The following SDK2 variants were observed in gnomAD, a reference collection of about 807,000 sequenced individuals.
SDK2 encodes protein sidekick-2.
SDK2 carries 105 observed loss-of-function variants against 253.9 expected under a neutral mutation model. The observed-to-expected ratio is 0.41, with a 90% CI of 0.35 to 0.49. The LOEUF is 0.49. SDK2 is among the 20% of genes least tolerant of loss of function. The pLI, the probability that SDK2 is intolerant of heterozygous loss-of-function variation, is 0.06. For synonymous variants in SDK2, 1,249 were observed against 1,234.9 expected, an observed-to-expected ratio of 1.01 and a Z score of -0.24; for missense variants, 2,608 against 3,003.0, an observed-to-expected ratio of 0.87 and a Z score of 3.07.
At chr17:73,457,087 C>T (rs1319060631) in intron 3 of SDK2, among the ~76,000 whole-genome samples, 3 of 152,138 alleles carry the variant, frequency 2.0e-5, no homozygotes, top group Non-Finnish European at 4.4e-5. Context: ...TATTATTTGT[C>T]CCAAACTTGA....
intron 29 of SDK2, among the ~76,000 whole-genome samples, 186 bp downstream of exon 29, chr17:73,390,101 T>C (rs1412720045): frequency 6.6e-6 from 1 of 152,248 alleles, no homozygotes; most frequent in Non-Finnish European, 1.5e-5. Context: ...GGGTGTGAAC[T>C]TGCGGCTCAT....
chr17:73,359,889 G>A (rs145622280), intron 39 of SDK2, among the ~76,000 whole-genome samples: 57 of 152,180 alleles, frequency 3.7e-4, no homozygotes, highest in African/African-American at 1.3e-3. Flanking sequence ...CAATCCACCC[G>A]CCTCCACCTC....
At chr17:73,439,719 C>T (rs917841951) in intron 6 of SDK2, among the ~76,000 whole-genome samples, 4 of 152,188 alleles carry the variant, frequency 2.6e-5, no homozygotes, top group Non-Finnish European at 2.9e-5. Flanking sequence ...GCTGCCTATG[C>T]GCCTTCCGCT....
chr17:73,362,568 T>G (rs2062650441), intron 38 of SDK2, among the ~76,000 whole-genome samples: 1 of 152,046 alleles, frequency 6.6e-6, no homozygotes, highest in Admixed American at 6.6e-5. Flanking sequence ...ATTTTTAAAT[T>G]TTTGTAGAGA....
At position 73,609,937 on chromosome 17, in the gene SDK2, C is replaced by G. The variant is rs947016620; in HGVS notation, c.64+34088G>C. On this transcript the variant is annotated intron_variant, in intron 1 of 44. Coordinates refer to ENST00000392650, the MANE Select transcript of SDK2 (RefSeq NM_001144952.2). The surrounding 1 kb of genome is among the most constrained non-coding windows in gnomAD (Gnocchi z 4.4). ...CAGCTCACTGGAGCAAGGGCTGGGA[C>G]TGGTAGTAGGTGCGGAGCTCAGCCA... 5.9e-5 allele frequency among the ~76,000 whole-genome samples: 9 copies of G among 152,350 alleles called. No homozygotes were observed. The highest frequency in any genetic ancestry group is 3.4e-3 in the Middle Eastern group (1 of 294).
Position 73,435,567 on chromosome 17 carries a change from G to A in SDK2, c.1078C>T (p.Arg360Cys), listed in dbSNP as rs79987936. The A allele has an allele frequency of 1.0e-5, 16 of 1,585,048 alleles. No individual in the cohort carries two copies. The highest frequency in any genetic ancestry group is 1.8e-5 in the Admixed American group (1 of 56,444). ...CTGATCTGCAGGCCCCCGTCGTTGCGCTGCCGGAAGCGGGTCAACTTCTCC... is the reference window on the plus strand; with the variant it reads ...CTGATCTGCAGGCCCCCGTCGTTGCACTGCCGGAAGCGGGTCAACTTCTCC... ...EVEKLTRFRQRNDGGLQISGL... is the reference protein window; with the variant it reads ...EVEKLTRFRQCNDGGLQISGL... The change falls in exon 9 of 45, where the codon CGC (arginine) becomes TGC (cysteine). Residue 360 changes from arginine (R) to cysteine (C), a missense_variant. By Grantham distance (180) the Arg-to-Cys change is radical. Transcript: ENST00000392650. The surrounding 1 kb of genome is among the most constrained non-coding windows in gnomAD (Gnocchi z 5.7).
chr17:73,399,310 G>A, intron 21 of SDK2, 21 bp from the exon 22 acceptor site: 1 of 1,613,382 alleles, frequency 6.2e-7, no homozygotes, highest in South Asian at 1.1e-5. Flanking sequence ...AGAACAGGGT[G>A]GGGAAGGAGA....
chr17:73,488,636 A>G (rs2063784654), intron 2 of SDK2, among the ~76,000 whole-genome samples: 1 of 148,784 alleles, frequency 6.7e-6, no homozygotes, highest in Non-Finnish European at 1.5e-5. Context: ...TCCTTCTACC[A>G]CTTAACAGTA....
chr17:73,375,798 G>A (rs1568371348), intron 36 of SDK2, among the ~76,000 whole-genome samples: 2 of 151,600 alleles, frequency 1.3e-5, no homozygotes, highest in Admixed American at 1.3e-4. Context: ...AGAGGTTGCA[G>A]TGAGCCAAGA....
At chr17:73,394,143 C>A (rs774105812) in intron 26 of SDK2, 66 bp downstream of exon 26, 2 of 985,758 alleles carry the variant, frequency 2.0e-6, no homozygotes, top group Non-Finnish European at 2.9e-6. Context: ...AAGGACAAGG[C>A]CCCTTGGATG....
At chr17:73,576,977 C>T (rs989130768) in intron 1 of SDK2, among the ~76,000 whole-genome samples, 6 of 152,192 alleles carry the variant, frequency 3.9e-5, no homozygotes, top group African/African-American at 1.2e-4. Context: ...GCAGAGGCTT[C>T]GGAGCGTGGG....
At chr17:73,544,898 G>T (rs1428993975) in intron 1 of SDK2, among the ~76,000 whole-genome samples, 8 of 152,090 alleles carry the variant, frequency 5.3e-5, no homozygotes, top group Non-Finnish European at 8.8e-5. Flanking sequence ...GTGAATTACA[G>T]ATCTCAGGTC....
chr17:73,509,902 C>CAAAAAAAAAAAAAAAAA lies in SDK2; in HGVS notation c.65-2322_65-2306dup, dbSNP rs71157018. ...GCAACAGAGCAAGACTCCATCTCTACAAAAAAAAAAAAAAAAAAAAGAAGG... is the reference window on the plus strand; with the variant it reads ...GCAACAGAGCAAGACTCCATCTCTACAAAAAAAAAAAAAAAAAAAAAAAAAAAAAAAAAAAAAGAAGG... On this transcript the variant is annotated intron_variant, in intron 1 of 44. Transcript: ENST00000392650. 2.5e-3 allele frequency among the ~76,000 whole-genome samples: 64 copies of CAAAAAAAAAAAAAAAAA among 25,376 alleles called. 8 individuals carry two copies. The highest frequency in any genetic ancestry group is 9.9e-3 in the African/African-American group (52 of 5,256). 16.6% of individuals were successfully genotyped at this position (25,376 alleles called of 152,430 possible).
intron 18 of SDK2, among the ~76,000 whole-genome samples, chr17:73,412,163 T>TAC (rs1474053581): frequency 3.3e-5 from 1 of 30,012 alleles, no homozygotes; most frequent in Non-Finnish European, 5.5e-5. Flanking sequence ...CGTATATATG[T>TAC]ATATACACAT....
intron 38 of SDK2, among the ~76,000 whole-genome samples, chr17:73,363,828 G>C (rs1434691465): frequency 6.6e-6 from 1 of 152,054 alleles, no homozygotes; most frequent in Non-Finnish European, 1.5e-5. Flanking sequence ...CCTTGTCTCG[G>C]GGACTGCTGT....
At chr17:73,507,217 G>A (rs1462969957) in intron 2 of SDK2, among the ~76,000 whole-genome samples, 35 of 152,218 alleles carry the variant, frequency 2.3e-4, no homozygotes, top group Admixed American at 2.2e-3. Context: ...TCCAGGCAGC[G>A]CTGGCCCCTG....
At chr17:73,356,345 G>C (rs756848294) in intron 40 of SDK2, among the ~76,000 whole-genome samples, 1 of 152,196 alleles carries the variant, frequency 6.6e-6, no homozygotes, top group African/African-American at 2.4e-5. Context: ...GGCCAGGCCA[G>C]AAGCTGCTGG....
chr17:73,607,185 C>T (rs926086540), intron 1 of SDK2, among the ~76,000 whole-genome samples: 7 of 152,226 alleles, frequency 4.6e-5, no homozygotes, highest in African/African-American at 1.7e-4. Flanking sequence ...AAGAGGACTT[C>T]ACAGGATCCT....
At chr17:73,363,288 C>G (rs1406000682) in intron 38 of SDK2, among the ~76,000 whole-genome samples, 7 of 152,194 alleles carry the variant, frequency 4.6e-5, no homozygotes, top group Non-Finnish European at 4.4e-5. Flanking sequence ...TCAGGCTGGT[C>G]TCGAACTCCT....
Sources: allele counts gnomAD v4.1 joint callset (sites outside exome capture counted in the v4.1 genomes callset), GRCh38; gene constraint gnomAD v4.1.1; non-coding constraint Gnocchi (gnomAD v3.1); transcripts MANE v1.5; gene names NCBI Gene and HGNC (gene_info 2026-07-23, HGNC 2026-07-21).